The following BCAT1 variants were observed in gnomAD, a reference collection of about 807,000 sequenced individuals.
BCAT1 encodes branched-chain-amino-acid aminotransferase, cytosolic.
Under a neutral mutation model 52.4 loss-of-function variants are expected in BCAT1, and 48 were observed. The ratio of observed to expected loss-of-function variants is 0.92; its 90% CI spans 0.73 to 1.16. BCAT1 has a LOEUF of 1.16. Ranked by LOEUF, BCAT1 falls within the 50% of genes most tolerant of loss-of-function variation. The pLI is 0.00. For missense variants in BCAT1, 451 were observed against 457.1 expected (o/e 0.99, Z 0.12); for synonymous variants, 167 against 161.3 (o/e 1.04, Z -0.27).
chr12:24,892,064 G>T (rs1565485770), intron 3 of BCAT1, among the ~76,000 whole-genome samples: 2 of 143,600 alleles, frequency 1.4e-5, no homozygotes, highest in East Asian at 4.1e-4. Flanking sequence ...GCCGTTTTTT[G>T]TTTTGTTTTG....
intron 5 of BCAT1, among the ~76,000 whole-genome samples, chr12:24,861,236 A>G (rs1420501613): frequency 6.6e-6 from 1 of 152,256 alleles, no homozygotes; most frequent in Non-Finnish European, 1.5e-5. Context: ...ACAGAAGGGT[A>G]ACATAAATAT....
chr12:24,836,924 A>G (rs563822141), intron 7 of BCAT1, among the ~76,000 whole-genome samples: 17 of 106,282 alleles, frequency 1.6e-4, no homozygotes, highest in African/African-American at 5.5e-4. Context: ...GAAAGAAAGA[A>G]AGAAAGAAAG....
chr12:24,908,097 A>C (rs539226289), intron 1 of BCAT1, among the ~76,000 whole-genome samples: 1 of 152,356 alleles, frequency 6.6e-6, no homozygotes, highest in East Asian at 1.9e-4. Flanking sequence ...AGAATATAAT[A>C]GACTAACATG....
intron 1 of BCAT1, among the ~76,000 whole-genome samples, chr12:24,915,388 TA>T (rs981298354): frequency 1.3e-5 from 2 of 152,126 alleles, no homozygotes; most frequent in African/African-American, 4.8e-5. Flanking sequence ...ATACACAGAT[TA>T]AAAAGGTTAT....
chr12:24,945,325 G>T (rs1231001034), intron 1 of BCAT1: 1 of 152,124 alleles, frequency 6.6e-6, no homozygotes, highest in Non-Finnish European at 1.5e-5. Context: ...AATGTGAGTT[G>T]CACCTCACAT....
chr12:24,886,558 T>A (rs762316792), intron 3 of BCAT1, among the ~76,000 whole-genome samples: 3 of 152,174 alleles, frequency 2.0e-5, no homozygotes, highest in Non-Finnish European at 2.9e-5. Flanking sequence ...ACCATAGTAC[T>A]TAAGTATGTA....
rs1939875304 is a variant in BCAT1, at chr12:24,816,359, C to A, written c.*1649G>T. ...ATGAGGACTGAGGGAAACCAAAATA[C>A]AATGTCTGAGAGTTGACCTTCCAAG... On this transcript the variant is annotated 3_prime_UTR_variant, in exon 11 of 11. Transcript: ENST00000261192. 5.1e-6 allele frequency: 2 copies of A among 395,484 alleles called. No homozygotes were observed. Among genetic ancestry groups the A allele is most frequent in the Non-Finnish European group, 8.9e-6 (2 of 224,634 alleles). The allele number at this position is 395,484 out of a possible 1,614,324, so 24.5% of individuals were successfully genotyped here. A position where few individuals can be genotyped will look rare whatever the true frequency, so the allele number is the denominator to read the frequency against.
rs3825167 is a variant in BCAT1, at chr12:24,816,330, A to C, written c.*1678T>G. 0.057 allele frequency: 22,325 copies of C among 394,174 alleles called. 909 individuals are homozygous for C. Among genetic ancestry groups the C allele is most frequent in the East Asian group, 0.17 (4,741 of 27,888 alleles). 24.4% of individuals were successfully genotyped at this position (394,174 alleles called of 1,614,324 possible). On this transcript the variant is annotated 3_prime_UTR_variant, in exon 11 of 11. Transcript: ENST00000261192. ...AATAAAATATGTTCAGCAAGAAGGA[A>C]GTTATGAGGACTGAGGGAAACCAAA...
chr12:24,857,820 G>A (rs1468878322), intron 5 of BCAT1, among the ~76,000 whole-genome samples: 1 of 152,120 alleles, frequency 6.6e-6, no homozygotes, highest in Non-Finnish European at 1.5e-5. Flanking sequence ...TTGCATTATG[G>A]GAGAGCTTTT....
At chr12:24,893,170 G>A (rs1418405326) in intron 3 of BCAT1, among the ~76,000 whole-genome samples, 1 of 152,178 alleles carries the variant, frequency 6.6e-6, no homozygotes, top group Non-Finnish European at 1.5e-5. Context: ...TTACTGCTGT[G>A]TAATATTAGT....
At chr12:24,838,774 A>G (rs1047681234) in intron 7 of BCAT1, among the ~76,000 whole-genome samples, 2 of 152,206 alleles carry the variant, frequency 1.3e-5, no homozygotes, top group African/African-American at 4.8e-5. Context: ...AACCACAAAC[A>G]TACTTACAAG....
chr12:24,820,245 T>C (rs981121608), intron 10 of BCAT1, among the ~76,000 whole-genome samples: 2 of 152,216 alleles, frequency 1.3e-5, no homozygotes, highest in African/African-American at 2.4e-5. Flanking sequence ...CTGTAATTTA[T>C]GCTTTTATGT....
chr12:24,854,274 G>A (rs1209942791), intron 5 of BCAT1, among the ~76,000 whole-genome samples: 1 of 152,236 alleles, frequency 6.6e-6, no homozygotes. Context: ...AAGCCAGAGA[G>A]GCACAGCAGC....
intron 1 of BCAT1, among the ~76,000 whole-genome samples, chr12:24,921,752 T>C (rs1174697413): frequency 1.3e-5 from 2 of 152,232 alleles, no homozygotes; most frequent in Non-Finnish European, 2.9e-5. Flanking sequence ...TACCTTTTGT[T>C]TTAATAGCTT....
At chr12:24,837,069 GAA>G (rs1471211425) in intron 7 of BCAT1, among the ~76,000 whole-genome samples, 5 of 79,996 alleles carry the variant, frequency 6.3e-5, no homozygotes, top group Admixed American at 1.4e-4. Context: ...GAGAAGGAAA[GAA>G]AGAGAGAGGG....
chr12:24,892,259 C>A (rs1013998657), intron 3 of BCAT1, among the ~76,000 whole-genome samples: 1 of 151,988 alleles, frequency 6.6e-6, no homozygotes, highest in South Asian at 2.1e-4. Flanking sequence ...TCCCAAGAAC[C>A]CCATCTCCCC....
At chr12:24,827,140 C>T (rs1940437367) in intron 10 of BCAT1, among the ~76,000 whole-genome samples, 1 of 152,044 alleles carries the variant, frequency 6.6e-6, no homozygotes, top group Admixed American at 6.6e-5. Context: ...ATTTTTCCTG[C>T]CTATTTGCCC....
intron 3 of BCAT1, among the ~76,000 whole-genome samples, chr12:24,888,596 A>G (rs2139631425): frequency 6.6e-6 from 1 of 152,378 alleles, no homozygotes; most frequent in East Asian, 1.9e-4. Context: ...CCCTGGGCAC[A>G]TAGTAGCCAC....
At chr12:24,839,183 G>A (rs762924494) in intron 7 of BCAT1, among the ~76,000 whole-genome samples, 5 of 152,216 alleles carry the variant, frequency 3.3e-5, no homozygotes, top group African/African-American at 4.8e-5. Context: ...CTGGAATGCT[G>A]AGGAGAAATG....
Sources: gnomAD v4.1 joint callset for allele counts (sites outside exome capture counted in the v4.1 genomes callset) on GRCh38, gnomAD v4.1.1 for gene constraint, MANE v1.5 for transcripts, NCBI Gene and HGNC (gene_info 2026-07-23, HGNC 2026-07-21) for gene names.